The following STK32C variants were observed in gnomAD, a reference collection of about 807,000 sequenced individuals.
STK32C encodes serine/threonine-protein kinase 32C.
Under a neutral mutation model 56.5 loss-of-function variants are expected in STK32C, and 31 were observed. The observed-to-expected ratio is 0.55, with a 90% CI of 0.41 to 0.74. The LOEUF is 0.74. Ranked by LOEUF, STK32C falls within the 30% of genes least tolerant of loss-of-function variation. The pLI is 0.00. For missense variants in STK32C, 544 were observed against 676.9 expected (o/e 0.80, Z 2.18); for synonymous variants, 309 against 289.4 (o/e 1.07, Z -0.69).
Position 132,307,522 on chromosome 10 carries a change from G to A in STK32C, c.262+50C>T, listed in dbSNP as rs1427268842. 4.7e-6 allele frequency: 7 copies of A among 1,502,342 alleles called. No homozygotes were observed. Among genetic ancestry groups the A allele is most frequent in the Non-Finnish European group, 5.3e-6 (6 of 1,124,344 alleles). 93.1% of individuals were successfully genotyped at this position (1,502,342 alleles called of 1,614,324 possible). On this transcript the variant is annotated intron_variant, in intron 1 of 11. Coordinates refer to ENST00000298630, the MANE Select transcript of STK32C (RefSeq NM_173575.4). The surrounding 1 kb of genome is among the most constrained non-coding windows in gnomAD (Gnocchi z 4.4). ...GGGAAAAAGCCGCCCAGCCGCGCCCGCCCCTGCAATAGCGCGCGGCCCCCA... is the reference window on the plus strand; with the variant it reads ...GGGAAAAAGCCGCCCAGCCGCGCCCACCCCTGCAATAGCGCGCGGCCCCCA...
At chr10:132,210,025 C>T (rs991496800) in intron 10 of STK32C, among the ~76,000 whole-genome samples, 5 of 152,296 alleles carry the variant, frequency 3.3e-5, no homozygotes, top group Admixed American at 6.5e-5. Flanking sequence ...CACACCAGAA[C>T]GCTCAACCCT....
chr10:132,329,984 C>CT (rs397754935), intron 1 of STK32C, among the ~76,000 whole-genome samples: 1 of 152,040 alleles, frequency 6.6e-6, no homozygotes, highest in Non-Finnish European at 1.5e-5. Flanking sequence ...CAGTCGCTGC[C>CT]CGGAGGAAGG....
chr10:132,322,989 T>C (rs1271296459), downstream of STK32C, among the ~76,000 whole-genome samples: 1 of 152,194 alleles, frequency 6.6e-6, no homozygotes, highest in East Asian at 1.9e-4. Flanking sequence ...GTCTGTGAAA[T>C]GCAGGCCCTC....
intron 1 of STK32C, among the ~76,000 whole-genome samples, chr10:132,303,054 G>A (rs985969140): frequency 2.0e-5 from 3 of 152,240 alleles, no homozygotes; most frequent in Non-Finnish European, 2.9e-5. Context: ...AAAGTGGAGC[G>A]TTCCTTCACA....
intron 1 of STK32C, among the ~76,000 whole-genome samples, chr10:132,305,781 C>T (rs530948196): frequency 1.3e-5 from 2 of 152,348 alleles, no homozygotes; most frequent in South Asian, 2.1e-4. Flanking sequence ...CGGAGGGAAG[C>T]GGTCACCGCC....
chr10:132,291,433 G>A (rs867495631), intron 1 of STK32C, among the ~76,000 whole-genome samples: 1 of 152,120 alleles, frequency 6.6e-6, no homozygotes, highest in Non-Finnish European at 1.5e-5. Context: ...ACACCTCCTC[G>A]TGGCCTTGGA....
intron 2 of STK32C, among the ~76,000 whole-genome samples, chr10:132,244,458 C>T (rs550828400): frequency 6.6e-6 from 1 of 152,318 alleles, no homozygotes; most frequent in East Asian, 1.9e-4. Flanking sequence ...GAGTGCAGGG[C>T]CAGCAGAGGC....
chr10:132,324,848 T>G (rs1207606111), intron 1 of STK32C, among the ~76,000 whole-genome samples: 1 of 151,102 alleles, frequency 6.6e-6, no homozygotes, highest in East Asian at 1.9e-4. Context: ...ATTGGTTTGG[T>G]CTAGAAAGGA....
In STK32C at chr10:132,235,843, C is replaced by T. The variant is rs140130232; in HGVS notation, c.319-7715G>A. Among the ~76,000 whole-genome samples the T allele has an allele frequency of 1.3e-3, 204 of 152,282 alleles. 1 individual carries two copies. The highest frequency in any genetic ancestry group is 4.5e-3 in the African/African-American group (185 of 41,544). ...GCGCAGTGTGATGGGATCGTAAAGACCGTTGTTTCAGGTGTGGAAAAATAC... is the reference window on the plus strand; with the variant it reads ...GCGCAGTGTGATGGGATCGTAAAGATCGTTGTTTCAGGTGTGGAAAAATAC... On this transcript the variant is annotated intron_variant, in intron 2 of 11. Coordinates refer to ENST00000298630, the MANE Select transcript of STK32C (RefSeq NM_173575.4).
Position 132,222,933 on chromosome 10 carries a change from T to C in STK32C, c.1047A>G (p.Ala349=), listed in dbSNP as rs1275017955. 1 of 1,556,582 alleles carries C rather than the reference T, an allele frequency of 6.4e-7. No homozygotes were observed. The highest frequency in any genetic ancestry group is 8.7e-7 in the Non-Finnish European group (1 of 1,154,402). ...HRLSSLQDVQ[A]APALAGVLWD... ...ACAGCACGCCGGCCAGCGCCGGGGC[T>C]GCCTGCACGTCCTGGAGGCTGGAGA... Residue 349 remains alanine (A), a synonymous_variant, in exon 9 of 12, where the codon GCA becomes GCG. Transcript: ENST00000298630.
rs534650756 is a variant in STK32C, at chr10:132,272,129, G to A, written c.263-26174C>T. 2.5e-4 allele frequency among the ~76,000 whole-genome samples: 38 copies of A among 152,328 alleles called. No individual in the cohort carries two copies. In the South Asian group the frequency reaches 6.4e-3, roughly 26 times the overall value. ...TGAGGCCCTGACCCCTCGTGCCTCC[G>A]AGCGTGGCTGTGTGTGGAGATGAGA... On this transcript the variant is annotated intron_variant, in intron 1 of 11. Coordinates refer to ENST00000298630, the MANE Select transcript of STK32C (RefSeq NM_173575.4).
rs532986243 is a variant in STK32C at position 132,306,241 on chromosome 10, C to T, written c.262+1331G>A. On this transcript the variant is annotated intron_variant, in intron 1 of 11. Transcript: ENST00000298630. ...ACACCAGCAAGTGCTAAACCAGATG[C>T]GTTTCTCAGACGTTCTCTCAACCCG... Among the ~76,000 whole-genome samples the T allele has an allele frequency of 1.6e-3, 240 of 152,358 alleles. 1 individual carries two copies. Among genetic ancestry groups the T allele is most frequent in the Non-Finnish European group, 2.9e-3 (200 of 68,032 alleles).
At chr10:132,253,588 G>A (rs1267456068) in intron 1 of STK32C, among the ~76,000 whole-genome samples, 1 of 149,792 alleles carries the variant, frequency 6.7e-6, no homozygotes, top group Non-Finnish European at 1.5e-5. Context: ...GGAGCTGGAG[G>A]GAGCCGAGGG....
chr10:132,223,546 C>A (rs1012159028), intron 8 of STK32C, among the ~76,000 whole-genome samples: 2 of 152,256 alleles, frequency 1.3e-5, no homozygotes, highest in African/African-American at 4.8e-5. Flanking sequence ...CCCACGCAGG[C>A]CCTCTCTAGC....
chr10:132,265,714 G>A (rs926122725), intron 1 of STK32C, among the ~76,000 whole-genome samples: 2 of 152,262 alleles, frequency 1.3e-5, no homozygotes, highest in Non-Finnish European at 2.9e-5. Context: ...AAGAGGCCCA[G>A]GCAGATGCTT....
intron 1 of STK32C, among the ~76,000 whole-genome samples, chr10:132,249,865 C>T (rs933223097): frequency 2.6e-5 from 4 of 152,334 alleles, no homozygotes; most frequent in South Asian, 4.1e-4. Flanking sequence ...CCATGACCAC[C>T]GGCCCTGCCC....
chr10:132,331,950 C>T (rs1398668023), upstream of STK32C: 2 of 543,484 alleles, frequency 3.7e-6, no homozygotes, highest in African/African-American at 4.1e-5. Flanking sequence ...CCCGCCCCAG[C>T]GCAGGCGCAC....
chr10:132,234,435 C>T (rs2063205306), intron 2 of STK32C, among the ~76,000 whole-genome samples: 1 of 152,218 alleles, frequency 6.6e-6, no homozygotes, highest in South Asian at 2.1e-4. Context: ...GCCCACTTCG[C>T]TTTTTCTGCC....
At chr10:132,253,512 GA>G (rs1221652334) in intron 1 of STK32C, among the ~76,000 whole-genome samples, 1 of 105,314 alleles carries the variant, frequency 9.5e-6, no homozygotes, top group African/African-American at 3.5e-5. Flanking sequence ...GGAGCTGAGG[GA>G]GCTGAGGGAG....
Sources: gnomAD v4.1 joint callset for allele counts (sites outside exome capture counted in the v4.1 genomes callset) on GRCh38, gnomAD v4.1.1 for gene constraint, Gnocchi (gnomAD v3.1) non-coding constraint, MANE v1.5 for transcripts, NCBI Gene and HGNC (gene_info 2026-07-23, HGNC 2026-07-21) for gene names.